SAT1: variants seen among roughly 807,000 people sequenced by gnomAD.
SAT1 encodes the protein diamine acetyltransferase 1.
Under a neutral mutation model 14.7 loss-of-function variants are expected in SAT1, and 1 was observed. The observed-to-expected ratio is 0.07, with a 90% CI of 0.02 to 0.32. The LOEUF is 0.32. Among genes scored for constraint, SAT1 ranks in the 10% least tolerant of loss-of-function variants. The pLI is 1.00. For missense variants in SAT1, 77 were observed against 129.1 expected, an observed-to-expected ratio of 0.60 and a Z score of 1.96; for synonymous variants, 67 against 46.1, an observed-to-expected ratio of 1.45 and a Z score of -1.84.
rs1255588274 is a variant in SAT1 at position 23,783,897 on chromosome X, C to CT, written c.202+17dup. On this transcript the variant is annotated intron_variant, in intron 3 of 5. Coordinates refer to ENST00000379270, the MANE Select transcript of SAT1 (RefSeq NM_002970.4). ...GGACTCCGGAAGGTAACCCCTCGCCCTTTCCAGAAGCCAGAGAGACCAAGT... is the reference window on the plus strand; with the variant it reads ...GGACTCCGGAAGGTAACCCCTCGCCCTTTTCCAGAAGCCAGAGAGACCAAGT... 8.3e-7 allele frequency: 1 copy of CT among 1,209,617 alleles called. No homozygotes were observed. Among genetic ancestry groups the CT allele is most frequent in the Non-Finnish European group, 1.1e-6 (1 of 895,225 alleles).
In SAT1 at chrX:23,786,105, T is replaced by C; in HGVS notation, c.*249T>C. On this transcript the variant is annotated 3_prime_UTR_variant, in exon 6 of 6. Coordinates refer to ENST00000379270, the MANE Select transcript of SAT1 (RefSeq NM_002970.4). Reference sequence around the variant, plus strand: ...ACAAGGTGGTGTGATCTTAATATATTTGAAAAAAACTTCATTCTCGTGAGT... The same window carrying C: ...ACAAGGTGGTGTGATCTTAATATATCTGAAAAAAACTTCATTCTCGTGAGT... 3.6e-6 allele frequency: 1 copy of C among 277,735 alleles called. No individual in the cohort carries two copies. Among genetic ancestry groups the C allele is most frequent in the Non-Finnish European group, 6.3e-6 (1 of 157,493 alleles). 22.9% of individuals were successfully genotyped at this position (277,735 alleles called of 1,213,427 possible). A position where few individuals can be genotyped will look rare whatever the true frequency, so the allele number is the denominator to read the frequency against.
Position 23,783,254 on chromosome X carries a change from G to A in SAT1, c.-98G>A, listed in dbSNP as rs1289639458. The A allele has an allele frequency of 1.2e-6, 1 of 832,149 alleles. No homozygotes were observed. 68.6% of individuals were successfully genotyped at this position (832,149 alleles called of 1,213,427 possible). ...TGGGTCATGGTGCCAGCCTGACTGA[G>A]AAGAGGACGCTCCCGGGAGACGAAT... On this transcript the variant is annotated 5_prime_UTR_variant, in exon 1 of 6. Coordinates refer to ENST00000379270, the MANE Select transcript of SAT1 (RefSeq NM_002970.4).
chrX:23,783,718 A>G lies in SAT1; in HGVS notation c.118+9A>G, dbSNP rs1309812224. On this transcript the variant is annotated intron_variant, in intron 2 of 5. Transcript: ENST00000379270. ...AATCTTAACTGAAAAAGGTAATTCA[A>G]CAGTGGCGGGACGGGGGACAAGCGT... is the stretch of plus-strand genomic sequence containing the variant. 1.7e-6 allele frequency: 2 copies of G among 1,210,025 alleles called. No individual in the cohort carries two copies. The highest frequency in any genetic ancestry group is 2.2e-5 in the Admixed American group (1 of 45,795).
rs750034262 is a variant in SAT1 at position 23,783,238 on chromosome X, G to A, written c.-114G>A. 126 of 696,943 alleles carry A rather than the reference G, an allele frequency of 1.8e-4. No homozygotes were observed. In the East Asian group the frequency reaches 4.1e-3, roughly 22 times the overall value. The allele number at this position is 696,943 out of a possible 1,213,427, so 57.4% of individuals were successfully genotyped here. On this transcript the variant is annotated 5_prime_UTR_variant, in exon 1 of 6. The change creates a new upstream start codon in the 5' untranslated region. Coordinates refer to ENST00000379270, the MANE Select transcript of SAT1 (RefSeq NM_002970.4). ...ACTCGCCGAGGTTCCTTGGGTCATG[G>A]TGCCAGCCTGACTGAGAAGAGGACG...
Position 23,786,129 on chromosome X carries a change from G to C in SAT1, c.*273G>C. ...TTTGAAAAAAACTTCATTCTCGTGA[G>C]TCATTTAAATGTGTACAATGTACAC... is the stretch of plus-strand genomic sequence containing the variant. On this transcript the variant is annotated 3_prime_UTR_variant, in exon 6 of 6. Coordinates refer to ENST00000379270, the MANE Select transcript of SAT1 (RefSeq NM_002970.4). The C allele has an allele frequency of 4.2e-6, 1 of 238,112 alleles. No homozygotes were observed. The allele number at this position is 238,112 out of a possible 1,213,427, so 19.6% of individuals were successfully genotyped here. A position where few individuals can be genotyped will look rare whatever the true frequency, so the allele number is the denominator to read the frequency against.
chrX:23,783,579 C>CCCT, intron 1 of SAT1, 79 bp from the exon 2 acceptor site: 2 of 770,320 alleles, frequency 2.6e-6, no homozygotes, highest in Non-Finnish European at 3.7e-6. Context: ...CCGCCCGCCC[C>CCCT]ATTCCGTTCC....
Position 23,783,813 on chromosome X carries a change from T to C in SAT1, c.132T>C (p.Asp44=), listed in dbSNP as rs756652932. 1.7e-6 allele frequency: 2 copies of C among 1,211,459 alleles called. No individual in the cohort carries two copies. Among genetic ancestry groups the C allele is most frequent in the Admixed American group, 4.4e-5 (2 of 45,968 alleles). ...CCCTTCTTGCAGATCTGCTAGAAGATGGTTTTGGAGAGCACCCCTTTTACC... is the reference window on the plus strand; with the variant it reads ...CCCTTCTTGCAGATCTGCTAGAAGACGGTTTTGGAGAGCACCCCTTTTACC... ...VILTEKDLLE[D]GFGEHPFYHC... The change falls in exon 3 of 6, where the codon GAT becomes GAC. Residue 44 remains aspartate, a synonymous_variant. Coordinates refer to ENST00000379270, the MANE Select transcript of SAT1 (RefSeq NM_002970.4).
In SAT1 at chrX:23,783,373, C is replaced by T. The variant is rs1922572327; in HGVS notation, c.22C>T (p.Pro8Ser). Residue 8 changes from proline (P) to serine (S), a missense_variant, in exon 1 of 6, where the codon CCA (proline) becomes TCA (serine). Coordinates refer to ENST00000379270, the MANE Select transcript of SAT1 (RefSeq NM_002970.4). ...GAAAATGGCTAAATTCGTGATCCGC[C>T]CAGCCACTGCCGCCGACTGCAGTGA... The part of the protein sequence containing the change: MAKFVIR[P>S]ATAADCSDIL... 1 of 1,209,629 alleles carries T rather than the reference C, an allele frequency of 8.3e-7. No homozygotes were observed. The highest frequency in any genetic ancestry group is 2.2e-5 in the Admixed American group (1 of 45,781).
chrX:23,783,753 G>A (rs775318195), intron 2 of SAT1, 44 bp downstream of exon 2: 3 of 1,208,693 alleles, frequency 2.5e-6, no homozygotes, highest in South Asian at 3.5e-5. Flanking sequence ...TTCGGTGCCT[G>A]TCACCTTCGC....
At position 23,783,399 on chromosome X, in the gene SAT1, C is replaced by T. The variant is rs993082777; in HGVS notation, c.48C>T (p.Asp16=). Residue 16 remains aspartate, a synonymous_variant, in exon 1 of 6, where the codon GAC becomes GAT. Transcript: ENST00000379270. ...IRPATAADCS[D]ILRLIKELAK... is the part of the protein sequence containing the mutation. ...CAGCCACTGCCGCCGACTGCAGTGA[C>T]ATACTGCGGCTGATCAAGGTAGCGG... The T allele has an allele frequency of 1.7e-6, 2 of 1,207,978 alleles. No individual in the cohort carries two copies. The highest frequency in any genetic ancestry group is 3.5e-5 in the African/African-American group (2 of 57,327).
chrX:23,785,904 C>A lies in SAT1; in HGVS notation c.*48C>A. 4 of 1,030,847 alleles carry A rather than the reference C, an allele frequency of 3.9e-6. No homozygotes were observed. Among genetic ancestry groups the A allele is most frequent in the Non-Finnish European group, 5.2e-6 (4 of 765,021 alleles). The allele number at this position is 1,030,847 out of a possible 1,213,427, so 85.0% of individuals were successfully genotyped here. A position where few individuals can be genotyped will look rare whatever the true frequency, so the allele number is the denominator to read the frequency against. ...CCTCCATTCTATTTTAGAATAAATT[C>A]CCAACTTCTCTTGCTTTCTATGCTG... On this transcript the variant is annotated 3_prime_UTR_variant, in exon 6 of 6. Transcript: ENST00000379270.
At position 23,783,191 on chromosome X, in the gene SAT1, G is replaced by A; in HGVS notation, c.-161G>A. On this transcript the variant is annotated 5_prime_UTR_variant, in exon 1 of 6. Transcript: ENST00000379270. ...TTCAAATGCGCAGCTCTTAGTCGCG[G>A]GCCGACTGGTGTTTATCCGTCACTC... 2 of 490,426 alleles carry A rather than the reference G, an allele frequency of 4.1e-6. No homozygotes were observed. Among genetic ancestry groups the A allele is most frequent in the South Asian group, 2.9e-5 (1 of 34,669 alleles). 40.4% of individuals were successfully genotyped at this position (490,426 alleles called of 1,213,427 possible). A position where few individuals can be genotyped will look rare whatever the true frequency, so the allele number is the denominator to read the frequency against.
chrX:23,783,576 C>CCCCCAAAACAAAA, intron 1 of SAT1, 82 bp from the exon 2 acceptor site: 1 of 745,021 alleles, frequency 1.3e-6, no homozygotes, highest in Non-Finnish European at 2.0e-6. Flanking sequence ...CGCCCGCCCG[C>CCCCCAAAACAAAA]CCCATTCCGT....
At chrX:23,783,559 G>T (rs749355547) in intron 1 of SAT1, 99 bp from the exon 2 acceptor site, 1 of 766,432 alleles carries the variant, frequency 1.3e-6, no homozygotes, top group Non-Finnish European at 1.9e-6. Context: ...CGGCTCGGCC[G>T]CCACCCCGCC....
rs1922607751 is a variant in SAT1 at position 23,783,861 on chromosome X, G to A, written c.180G>A (p.Pro60=). The A allele has an allele frequency of 3.3e-6, 4 of 1,211,416 alleles. No homozygotes were observed. The highest frequency in any genetic ancestry group is 3.4e-6 in the Non-Finnish European group (3 of 895,503). ...PFYHCLVAEV[P]KEHWTPEGHS... ...ACCACTGCCTGGTTGCAGAAGTGCC[G>A]AAAGAGCACTGGACTCCGGAAGGTA... Residue 60 remains proline (P), a synonymous_variant, in exon 3 of 6, where the codon CCG becomes CCA. Coordinates refer to ENST00000379270, the MANE Select transcript of SAT1 (RefSeq NM_002970.4).
Position 23,783,290 on chromosome X carries a change from C to A in SAT1, c.-62C>A. The A allele has an allele frequency of 9.4e-7, 1 of 1,068,509 alleles. No individual in the cohort carries two copies. The highest frequency in any genetic ancestry group is 1.3e-6 in the Non-Finnish European group (1 of 767,132). 88.1% of individuals were successfully genotyped at this position (1,068,509 alleles called of 1,213,427 possible). On this transcript the variant is annotated 5_prime_UTR_variant, in exon 1 of 6. Coordinates refer to ENST00000379270, the MANE Select transcript of SAT1 (RefSeq NM_002970.4). The stretch of plus-strand genomic sequence containing the variant: ...TCCCGGGAGACGAATGAGGAACCAC[C>A]TCCTCCTACTGTTCAAGTACAGGGG...
chrX:23,784,178 A>G (rs1922628751), intron 3 of SAT1: 1 of 925,183 alleles, frequency 1.1e-6, no homozygotes, highest in African/African-American at 2.0e-5. Flanking sequence ...AGAGTTAGAT[A>G]TAATGTCATT....
rs1922569526 is a variant in SAT1 at position 23,783,316 on chromosome X, C to T, written c.-36C>T. 2 of 1,181,732 alleles carry T rather than the reference C, an allele frequency of 1.7e-6. No homozygotes were observed. The highest frequency in any genetic ancestry group is 2.2e-5 in the Admixed American group (1 of 45,612). ...TCCTCCTACTGTTCAAGTACAGGGG[C>T]CTGGTCCGCAAAGGGAAGAAAAGCA... On this transcript the variant is annotated 5_prime_UTR_variant, in exon 1 of 6. Transcript: ENST00000379270.
chrX:23,783,220 G>C lies in SAT1; in HGVS notation c.-132G>C. On this transcript the variant is annotated 5_prime_UTR_variant, in exon 1 of 6. Coordinates refer to ENST00000379270, the MANE Select transcript of SAT1 (RefSeq NM_002970.4). ...GACTGGTGTTTATCCGTCACTCGCC[G>C]AGGTTCCTTGGGTCATGGTGCCAGC... 1.8e-6 allele frequency: 1 copy of C among 567,315 alleles called. No individual in the cohort carries two copies. The highest frequency in any genetic ancestry group is 3.6e-5 in the East Asian group (1 of 28,097). The allele number at this position is 567,315 out of a possible 1,213,427, so 46.8% of individuals were successfully genotyped here. A position where few individuals can be genotyped will look rare whatever the true frequency, so the allele number is the denominator to read the frequency against.
Sources: allele counts gnomAD v4.1 joint callset, GRCh38; gene constraint gnomAD v4.1.1; transcripts MANE v1.5; gene names NCBI Gene and HGNC (gene_info 2026-07-23, HGNC 2026-07-21).